The following PCDH15 variants were observed in gnomAD, a reference collection of about 807,000 sequenced individuals.
The protein encoded by PCDH15 is protocadherin related 15.
Under a neutral mutation model 178.5 loss-of-function variants are expected in PCDH15, and 129 were observed. The ratio of observed to expected loss-of-function variants is 0.72; its 90% CI spans 0.63 to 0.84. The LOEUF (loss-of-function observed/expected upper bound fraction) is 0.84, where lower values mean the gene tolerates loss of function less well. PCDH15 is among the 40% of genes least tolerant of loss of function. The pLI, the probability that PCDH15 is intolerant of heterozygous loss-of-function variation, is 0.00. For missense variants in PCDH15, 2,230 were observed against 2,099.9 expected (o/e 1.06, Z -1.21); for synonymous variants, 800 against 732.0 (o/e 1.09, Z -1.50).
intron 2 of PCDH15, among the ~76,000 whole-genome samples, chr10:55,035,597 C>T (rs755789850): frequency 6.6e-6 from 1 of 152,098 alleles, no homozygotes; most frequent in Non-Finnish European, 1.5e-5. Flanking sequence ...GGGGCAAAAG[C>T]AAGAGCAACA....
chr10:54,846,311 T>C (rs11814841), intron 3 of PCDH15, among the ~76,000 whole-genome samples: 5,889 of 152,282 alleles, frequency 0.039, 154 homozygotes, highest in Non-Finnish European at 0.059. Flanking sequence ...AAAAATTTTT[T>C]AGGTCAACTA....
intron 8 of PCDH15, among the ~76,000 whole-genome samples, chr10:54,238,855 G>C (rs2054927328): frequency 6.6e-6 from 1 of 151,964 alleles, no homozygotes; most frequent in African/African-American, 2.4e-5. Flanking sequence ...TTTCACTGAG[G>C]AATCTGATTG....
At chr10:54,189,325 A>T (rs758117790) in intron 11 of PCDH15, 1 of 1,543,012 alleles carries the variant, frequency 6.5e-7, no homozygotes, top group South Asian at 1.2e-5. Flanking sequence ...CACAGCAATT[A>T]ACAAAAGAAC....
At position 53,822,183 on chromosome 10, in the gene PCDH15, C is replaced by A. The variant is rs752231055; in HGVS notation, c.4368-1953G>T. On this transcript the variant is annotated intron_variant, in intron 32 of 37. Coordinates refer to ENST00000644397, the MANE Select transcript of PCDH15 (RefSeq NM_001384140.1). ...CTCGGCAGGCATCAAGTTGGTCGTG[C>A]ATTTAACACCTGTTATACAGACACA... The A allele has an allele frequency of 3.7e-6, 6 of 1,613,924 alleles. No individual in the cohort carries two copies. In the Admixed American group the frequency reaches 8.3e-5, roughly 22 times the overall value.
At chr10:54,033,780 G>A (rs1463465219) in intron 18 of PCDH15, among the ~76,000 whole-genome samples, 1 of 151,896 alleles carries the variant, frequency 6.6e-6, no homozygotes, top group East Asian at 1.9e-4. Context: ...ATTTTAAATA[G>A]TCTTCTCTAT....
chr10:54,795,281 CA>C (rs1055759503), intron 1 of PCDH15, among the ~76,000 whole-genome samples: 67 of 151,888 alleles, frequency 4.4e-4, no homozygotes, highest in African/African-American at 1.6e-3. Flanking sequence ...CTTCCAAAAC[CA>C]GTCCTTATAT....
chr10:54,600,011 C>A (rs2092450030), intron 2 of PCDH15: 4 of 1,345,956 alleles, frequency 3.0e-6, no homozygotes, highest in Non-Finnish European at 2.1e-6. Flanking sequence ...AAGGAAGAGG[C>A]AAAGTCAAAA....
intron 1 of PCDH15, among the ~76,000 whole-genome samples, chr10:55,294,265 C>T (rs1024248080): frequency 2.0e-4 from 30 of 152,262 alleles, no homozygotes; most frequent in African/African-American, 5.8e-4. Flanking sequence ...TCCCACAACA[C>T]GTGGGAATTC....
intron 5 of PCDH15, among the ~76,000 whole-genome samples, chr10:54,362,438 C>T (rs146668237): frequency 5.9e-4 from 89 of 151,964 alleles, no homozygotes; most frequent in African/African-American, 2.1e-3. Context: ...CAATATTTAC[C>T]AAAAAACTTG....
At chr10:54,861,478 G>T (rs1953841717) in intron 3 of PCDH15, among the ~76,000 whole-genome samples, 1 of 152,070 alleles carries the variant, frequency 6.6e-6, no homozygotes, top group African/African-American at 2.4e-5. Context: ...TGTAACAAAA[G>T]ATTTCCTAAG....
At chr10:55,120,275 G>T (rs1178358001) in intron 2 of PCDH15, among the ~76,000 whole-genome samples, 2 of 152,196 alleles carry the variant, frequency 1.3e-5, no homozygotes, top group African/African-American at 4.8e-5. Flanking sequence ...AGGGAAGAAA[G>T]ATGAGACCTG....
chr10:54,498,826 A>G lies in PCDH15; in HGVS notation c.157+28986T>C, dbSNP rs546943729. On this transcript the variant is annotated intron_variant, in intron 3 of 37. Transcript: ENST00000644397. ...TAAAGAAAAGAGGTTTAATTGGCTC[A>G]TGGTTCCACAGGCTATACAGGAAGC... is the stretch of plus-strand genomic sequence containing the variant. 1.6e-3 allele frequency among the ~76,000 whole-genome samples: 239 copies of G among 152,298 alleles called. 1 individual carries two copies. Among genetic ancestry groups the G allele is most frequent in the African/African-American group, 5.2e-3 (216 of 41,570 alleles).
intron 3 of PCDH15, among the ~76,000 whole-genome samples, chr10:54,492,410 A>G (rs970238264): frequency 2.0e-5 from 3 of 152,196 alleles, no homozygotes; most frequent in African/African-American, 7.2e-5. Context: ...TCATAAATGA[A>G]TAAAATGTGG....
At chr10:53,988,329 A>G (rs2091245655) in intron 21 of PCDH15, among the ~76,000 whole-genome samples, 1 of 152,066 alleles carries the variant, frequency 6.6e-6, no homozygotes, top group African/African-American at 2.4e-5. Context: ...TTCAGCCTCC[A>G]TCCTCCACAC....
intron 2 of PCDH15, among the ~76,000 whole-genome samples, chr10:55,124,205 G>T (rs983079650): frequency 6.6e-5 from 10 of 152,010 alleles, no homozygotes; most frequent in Non-Finnish European, 1.5e-4. Context: ...TTAAATAGAT[G>T]CTTTATATTC....
chr10:54,968,762 G>A (rs1838859824), intron 2 of PCDH15, among the ~76,000 whole-genome samples: 1 of 151,982 alleles, frequency 6.6e-6, no homozygotes, highest in Admixed American at 6.6e-5. Context: ...ATAGCCATTT[G>A]ACATTGTCCC....
At chr10:54,527,700 G>A in intron 3 of PCDH15, 112 bp downstream of exon 3, 1 of 724,816 alleles carries the variant, frequency 1.4e-6, no homozygotes, top group Non-Finnish European at 2.2e-6. Flanking sequence ...AATTATCCAT[G>A]GATTTGGGTT....
intron 3 of PCDH15, among the ~76,000 whole-genome samples, chr10:54,889,418 G>T (rs867374779): frequency 9.3e-5 from 14 of 150,278 alleles, no homozygotes; most frequent in Non-Finnish European, 1.8e-4. Flanking sequence ...CCAAACACGC[G>T]CACAGAACAG....
At chr10:54,711,318 A>G (rs1030990895) in intron 1 of PCDH15, among the ~76,000 whole-genome samples, 2 of 152,012 alleles carry the variant, frequency 1.3e-5, no homozygotes, top group Non-Finnish European at 1.5e-5. Flanking sequence ...TGTTGATAAC[A>G]TATCTTTTGA....
Sources: allele counts gnomAD v4.1 joint callset (sites outside exome capture counted in the v4.1 genomes callset), GRCh38; gene constraint gnomAD v4.1.1; transcripts MANE v1.5; gene names NCBI Gene and HGNC (gene_info 2026-07-23, HGNC 2026-07-21).